Variants in SARDH observed in about 807,000 individuals in gnomAD.
The protein encoded by SARDH is sarcosine dehydrogenase, also known as sarcosine dehydrogenase, mitochondrial.
A neutral mutation model predicts 109.1 loss-of-function variants in SARDH; 95 were observed. That is an observed-to-expected ratio of 0.87 (90% CI 0.74 to 1.03). SARDH has a LOEUF of 1.03. Ranked by LOEUF, SARDH falls within the 50% of genes least tolerant of loss-of-function variation. The pLI is 0.00. For missense variants in SARDH, 1,267 were observed against 1,287.8 expected (o/e 0.98, Z 0.25); for synonymous variants, 572 against 534.8 (o/e 1.07, Z -0.96).
At chr9:133,720,492 T>C (rs1318232133) in intron 6 of SARDH, among the ~76,000 whole-genome samples, 2 of 152,214 alleles carry the variant, frequency 1.3e-5, no homozygotes, top group Non-Finnish European at 1.5e-5. Context: ...TGTATTAGTG[T>C]GTTCTCACGC....
Position 133,670,629 on chromosome 9 carries a change from C to T in SARDH, c.2450G>A (p.Arg817Gln), listed in dbSNP as rs560753447. The change falls in exon 19 of 21, where the codon CGG (arginine) becomes CAG (glutamine). Residue 817 changes from arginine (R) to glutamine (Q), a missense_variant. Physicochemically the swap from Arg to Gln is conservative, Grantham distance 43. Transcript: ENST00000439388. ...FLGREALEQQ[R>Q]AAGLRRRLVC... ...CAGGCGCCGGCGGAGGCCTGCGGCC[C>T]GCTGCTGCTCCAGGGCCTCCCTCCC... The T allele has an allele frequency of 3.5e-5, 56 of 1,581,594 alleles. No individual in the cohort carries two copies. The Admixed American group carries it at 6.7e-4, about 19-fold the overall frequency.
chr9:133,738,824 C>T (rs776297617), upstream of SARDH, among the ~76,000 whole-genome samples: 44 of 152,310 alleles, frequency 2.9e-4, no homozygotes, highest in African/African-American at 7.7e-4. Flanking sequence ...CCTTCAGAGG[C>T]GAGTGAGAAG....
intron 13 of SARDH, among the ~76,000 whole-genome samples, chr9:133,697,750 C>T (rs1831334829): frequency 6.6e-6 from 1 of 152,056 alleles, no homozygotes; most frequent in African/African-American, 2.4e-5. Flanking sequence ...CAAACTAGGA[C>T]TATAAGGGAG....
At chr9:133,674,924 G>C (rs1056429956) in intron 17 of SARDH, among the ~76,000 whole-genome samples, 5 of 152,226 alleles carry the variant, frequency 3.3e-5, no homozygotes, top group Admixed American at 2.6e-4. Context: ...CTAACAAAGA[G>C]TGAAAAGGCA....
At chr9:133,676,443 G>A (rs1252254537) in intron 17 of SARDH, among the ~76,000 whole-genome samples, 1 of 152,198 alleles carries the variant, frequency 6.6e-6, no homozygotes, top group African/African-American at 2.4e-5. Context: ...CCAACAATGT[G>A]AACATACTTA....
chr9:133,678,631 G>T (rs147274151), intron 17 of SARDH, among the ~76,000 whole-genome samples: 2 of 152,126 alleles, frequency 1.3e-5, no homozygotes, highest in Non-Finnish European at 2.9e-5. Flanking sequence ...AGCACTGCAC[G>T]GAGAGGCCAA....
chr9:133,732,486 C>A lies in SARDH; in HGVS notation c.447G>T (p.Gln149His). The A allele has an allele frequency of 6.2e-7, 1 of 1,611,710 alleles. No individual in the cohort carries two copies. The highest frequency in any genetic ancestry group is 8.5e-7 in the Non-Finnish European group (1 of 1,178,654). The change falls in exon 3 of 21, where the codon CAG becomes CAT. Residue 149 changes from glutamine to histidine, a missense_variant. Coordinates refer to ENST00000439388, the MANE Select transcript of SARDH (RefSeq NM_001134707.2). Reference protein sequence around the residue: ...EETGLHTGWIQNGGLFIASNR... With the variant: ...EETGLHTGWIHNGGLFIASNR... Reference sequence around the variant, plus strand: ...TGGACGCGATGAAGAGGCCCCCATTCTGGATCCAGCCCGTGTGTAGTCCCG... The same window carrying A: ...TGGACGCGATGAAGAGGCCCCCATTATGGATCCAGCCCGTGTGTAGTCCCG...
At chr9:133,734,658 A>G (rs1422982830) in intron 1 of SARDH, among the ~76,000 whole-genome samples, 1 of 152,186 alleles carries the variant, frequency 6.6e-6, no homozygotes, top group East Asian at 1.9e-4. Context: ...CGTGGCTGGC[A>G]GAGATCCAAA....
At chr9:133,720,049 G>T (rs887189177) in intron 6 of SARDH, among the ~76,000 whole-genome samples, 8 of 151,810 alleles carry the variant, frequency 5.3e-5, no homozygotes, top group Non-Finnish European at 1.2e-4. Context: ...CGTGGTGCTT[G>T]CAGTGAGCCG....
At chr9:133,700,437 G>T (rs1278001895) in intron 13 of SARDH, among the ~76,000 whole-genome samples, 1 of 152,048 alleles carries the variant, frequency 6.6e-6, no homozygotes, top group Non-Finnish European at 1.5e-5. Flanking sequence ...CTAAGTGGAA[G>T]AAGCTGATCA....
At chr9:133,690,308 C>T in intron 16 of SARDH, 72 bp downstream of exon 16, 6 of 1,562,840 alleles carry the variant, frequency 3.8e-6, no homozygotes, top group Non-Finnish European at 5.2e-6. Context: ...GCTGTTCTGC[C>T]CAAGGGCCTG....
chr9:133,690,200 G>A (rs79097333), intron 16 of SARDH, among the ~76,000 whole-genome samples, 180 bp downstream of exon 16: 5 of 152,150 alleles, frequency 3.3e-5, no homozygotes, highest in South Asian at 2.1e-4. Flanking sequence ...TCGTGTTACC[G>A]GCTTATCTGC....
At chr9:133,710,008 C>G (rs1277008734) in intron 10 of SARDH, among the ~76,000 whole-genome samples, 1 of 152,144 alleles carries the variant, frequency 6.6e-6, no homozygotes, top group African/African-American at 2.4e-5. Flanking sequence ...CCTACAGAGT[C>G]CCAGCTGCCA....
At position 133,670,610 on chromosome 9, in the gene SARDH, C is replaced by A; in HGVS notation, c.2469G>T (p.Arg823=). 6.3e-7 allele frequency: 1 copy of A among 1,577,044 alleles called. No homozygotes were observed. Among genetic ancestry groups the A allele is most frequent in the Non-Finnish European group, 8.6e-7 (1 of 1,161,654 alleles). ...CCTCCATGGTGAAGCACACCAGGCG[C>A]CGGCGGAGGCCTGCGGCCCGCTGCT... is the stretch of plus-strand genomic sequence containing the variant. The part of the protein sequence containing the change: ...LEQQRAAGLR[R]RLVCFTMEDK... The change falls in exon 19 of 21, where the codon CGG becomes CGT. Residue 823 remains arginine, a synonymous_variant. Transcript: ENST00000439388.
chr9:133,678,482 G>A (rs984768900), intron 17 of SARDH, among the ~76,000 whole-genome samples: 1 of 152,230 alleles, frequency 6.6e-6, no homozygotes, highest in Non-Finnish European at 1.5e-5. Flanking sequence ...AGCCAGCCAT[G>A]AGACCTAGAA....
intron 4 of SARDH, 113 bp from the exon 5 acceptor site, chr9:133,730,300 C>T (rs2131502498): frequency 7.2e-7 from 1 of 1,394,066 alleles, no homozygotes; most frequent in Non-Finnish European, 9.7e-7. Context: ...CTATTTCTGC[C>T]AGCAGCAGGT....
intron 13 of SARDH, among the ~76,000 whole-genome samples, chr9:133,701,810 C>T (rs183407582): frequency 6.6e-6 from 1 of 152,330 alleles, no homozygotes; most frequent in East Asian, 1.9e-4. Context: ...AGCAAGCTTT[C>T]GGGGAGATGG....
Position 133,728,382 on chromosome 9 carries a change from G to C in SARDH, c.915+1383C>G, listed in dbSNP as rs1308951205. ...CAGGGACGAGGCTCCCAGCTCAGGG[G>C]CCCAGGCTTCCCTCTCACTGGCCCT... On this transcript the variant is annotated intron_variant, in intron 6 of 20. Transcript: ENST00000439388. The surrounding 1 kb of genome is among the most constrained non-coding windows in gnomAD (Gnocchi z 5.0). Among the ~76,000 whole-genome samples, 2 of 152,154 alleles carry C rather than the reference G, an allele frequency of 1.3e-5. No individual in the cohort carries two copies. The highest frequency in any genetic ancestry group is 4.8e-5 in the African/African-American group (2 of 41,426).
downstream of SARDH, among the ~76,000 whole-genome samples, chr9:133,660,293 A>G (rs1832396590): frequency 6.6e-6 from 1 of 152,052 alleles, no homozygotes; most frequent in Non-Finnish European, 1.5e-5. Flanking sequence ...GGAGGAGGAA[A>G]CTGAGGCTCA....
Sources: allele counts gnomAD v4.1 joint callset (sites outside exome capture counted in the v4.1 genomes callset), GRCh38; gene constraint gnomAD v4.1.1; non-coding constraint Gnocchi (gnomAD v3.1); transcripts MANE v1.5; gene names NCBI Gene and HGNC (gene_info 2026-07-23, HGNC 2026-07-21).